The following PRIM2 variants were observed in gnomAD, a reference collection of about 807,000 sequenced individuals.
PRIM2 encodes the protein DNA primase subunit 2, also known as DNA primase large subunit.
PRIM2 carries 39 observed loss-of-function variants against 67.3 expected under a neutral mutation model. The ratio of observed to expected loss-of-function variants is 0.58; its 90% confidence interval spans 0.45 to 0.76. The LOEUF (loss-of-function observed/expected upper bound fraction) is 0.76. Ranked by LOEUF, PRIM2 falls within the 30% of genes least tolerant of loss-of-function variation. The probability of loss-of-function intolerance (pLI) is 0.00; values close to 1 mark genes in which losing one functional copy is unlikely to be tolerated. For missense variants in PRIM2, 398 were observed against 598.7 expected (o/e 0.66, Z 3.50); for synonymous variants, 143 against 198.7 (o/e 0.72, Z 2.36).
chr6:57,318,384 T>C (rs1045869235), intron 1 of PRIM2, 53 bp from the exon 2 acceptor site: 71 of 1,486,350 alleles, frequency 4.8e-5, no homozygotes, highest in South Asian at 9.2e-5. Flanking sequence ...TTCTTTTTTT[T>C]CCCCCAACTT....
intron 5 of PRIM2, among the ~76,000 whole-genome samples, chr6:57,353,379 A>C (rs1768919462): frequency 6.6e-6 from 1 of 152,148 alleles, no homozygotes; most frequent in Non-Finnish European, 1.5e-5. Flanking sequence ...ATACAAATAG[A>C]TTGCAATTTG....
At chr6:57,597,112 C>T (rs1228760452) in intron 10 of PRIM2, among the ~76,000 whole-genome samples, 7 of 151,850 alleles carry the variant, frequency 4.6e-5, no homozygotes, top group Non-Finnish European at 1.0e-4. Context: ...CAAGTCCCTG[C>T]CCTTAACAGC....
At chr6:57,427,077 C>T (rs1376256907) in intron 7 of PRIM2, among the ~76,000 whole-genome samples, 1 of 152,102 alleles carries the variant, frequency 6.6e-6, no homozygotes, top group African/African-American at 2.4e-5. Flanking sequence ...TTTTTTAGAA[C>T]TGAATTATCT....
intron 5 of PRIM2, among the ~76,000 whole-genome samples, chr6:57,370,943 C>G (rs1410103182): frequency 2.0e-5 from 3 of 151,970 alleles, no homozygotes; most frequent in Non-Finnish European, 4.4e-5. Context: ...GGTGATCTGC[C>G]CACCTCAGCC....
At chr6:57,476,908 C>T (rs1385815863) in intron 7 of PRIM2, among the ~76,000 whole-genome samples, 33 of 152,088 alleles carry the variant, frequency 2.2e-4, no homozygotes, top group Non-Finnish European at 3.8e-4. Context: ...CCACCATGCC[C>T]AGCCTCATTA....
upstream of PRIM2, chr6:57,314,804 T>C (rs1051124527): frequency 6.6e-6 from 1 of 152,228 alleles, no homozygotes; most frequent in Non-Finnish European, 1.5e-5. Context: ...GAGCTCACAG[T>C]GATTTACTGA....
At chr6:57,314,879 T>G (rs1281645959), upstream of PRIM2, 1 of 152,210 alleles carries the variant, frequency 6.6e-6, no homozygotes. Context: ...GGATTTATAT[T>G]GCAATTGCCT....
At chr6:57,316,012 G>A (rs538085508), upstream of PRIM2, among the ~76,000 whole-genome samples, 115 of 152,260 alleles carry the variant, frequency 7.6e-4, no homozygotes, top group African/African-American at 2.6e-3. Context: ...ATGAGGTGAA[G>A]CTCTGCTGTC....
intron 7 of PRIM2, among the ~76,000 whole-genome samples, chr6:57,488,752 G>T (rs1443039970): frequency 1.3e-5 from 2 of 152,204 alleles, no homozygotes; most frequent in East Asian, 3.9e-4. Flanking sequence ...CTCACATAGA[G>T]AAGAGGTGGC....
chr6:57,619,725 A>G (rs1776818173), intron 12 of PRIM2, among the ~76,000 whole-genome samples: 1 of 152,196 alleles, frequency 6.6e-6, no homozygotes, highest in Admixed American at 6.5e-5. Flanking sequence ...ACAAAGAAAA[A>G]AGAATAAGAA....
rs1009223289 is a variant in PRIM2, at chr6:57,357,574, C to T, written c.460-22327C>T. On this transcript the variant is annotated intron_variant, in intron 5 of 13. Coordinates refer to ENST00000615550, the MANE Select transcript of PRIM2 (RefSeq NM_000947.5). ...TTCTGGGACATTTCCTTAAGTTTAGCGTAGAAACCCATCCTCTGTGGCTTT... is the reference window on the plus strand; with the variant it reads ...TTCTGGGACATTTCCTTAAGTTTAGTGTAGAAACCCATCCTCTGTGGCTTT... Among the ~76,000 whole-genome samples the T allele has an allele frequency of 2.3e-3, 348 of 149,724 alleles. 2 individuals carry two copies. Among genetic ancestry groups the T allele is most frequent in the African/African-American group, 6.6e-3 (269 of 40,856 alleles).
intron 3 of PRIM2, among the ~76,000 whole-genome samples, chr6:57,322,210 T>C (rs1198798003): frequency 6.6e-6 from 1 of 152,126 alleles, no homozygotes; most frequent in African/African-American, 2.4e-5. Context: ...TACTTAAACA[T>C]GTTTATAAGC....
At chr6:57,515,330 A>G (rs1774460424) in intron 8 of PRIM2, among the ~76,000 whole-genome samples, 1 of 152,238 alleles carries the variant, frequency 6.6e-6, no homozygotes, top group Non-Finnish European at 1.5e-5. Flanking sequence ...AGTAACTGAG[A>G]AGAAATACTG....
intron 2 of PRIM2, 59 bp from the exon 3 acceptor site, chr6:57,320,398 T>C: frequency 8.4e-7 from 1 of 1,196,044 alleles, no homozygotes. Context: ...CCATAGATTT[T>C]GTCTTGGATT....
At chr6:57,298,285 C>T in the PRIM2 span, among the ~76,000 whole-genome samples, 195 of 152,190 alleles carry the variant, frequency 1.3e-3, no homozygotes, top group African/African-American at 3.7e-3. Flanking sequence ...TGCTTGAACC[C>T]GGGAGGTGGA....
intron 10 of PRIM2, among the ~76,000 whole-genome samples, chr6:57,570,944 T>G (rs1411286935): frequency 1.3e-5 from 2 of 152,126 alleles, no homozygotes; most frequent in Non-Finnish European, 2.9e-5. Context: ...CCCTATAATT[T>G]TTTTGCCAGC....
At chr6:57,583,632 A>G (rs1776138290) in intron 10 of PRIM2, among the ~76,000 whole-genome samples, 1 of 151,786 alleles carries the variant, frequency 6.6e-6, no homozygotes, top group Non-Finnish European at 1.5e-5. Context: ...GCCGCAATAA[A>G]CATACGTGTG....
At chr6:57,322,284 A>T (rs2127271044) in intron 3 of PRIM2, among the ~76,000 whole-genome samples, 1 of 152,276 alleles carries the variant, frequency 6.6e-6, no homozygotes, top group Admixed American at 6.5e-5. Context: ...TTGAGAGAGC[A>T]TTTGATAAGT....
intron 7 of PRIM2, among the ~76,000 whole-genome samples, chr6:57,415,804 A>G (rs532398029): frequency 6.6e-6 from 1 of 152,234 alleles, no homozygotes; most frequent in Non-Finnish European, 1.5e-5. Context: ...TTCTTTGCTC[A>G]TCCATGGGAA....
Sources: gnomAD v4.1 joint callset for allele counts (sites outside exome capture counted in the v4.1 genomes callset) on GRCh38, gnomAD v4.1.1 for gene constraint, MANE v1.5 for transcripts, NCBI Gene and HGNC (gene_info 2026-07-23, HGNC 2026-07-21) for gene names.